Variants in NUDT1 observed in about 807,000 individuals in gnomAD.
NUDT1 encodes the protein nudix hydrolase 1.
NUDT1 carries 16 observed loss-of-function variants against 11.3 expected under a neutral mutation model. That is an observed-to-expected ratio of 1.41 (90% CI 0.96 to 2.15). The LOEUF is 2.15. Among genes scored for constraint, NUDT1 ranks in the 30% most tolerant of loss-of-function variants. The pLI is 0.00. For missense variants in NUDT1, 234 were observed against 208.4 expected, an observed-to-expected ratio of 1.12 and a Z score of -0.76; for synonymous variants, 101 against 84.4, an observed-to-expected ratio of 1.20 and a Z score of -1.08.
intron 2 of NUDT1, among the ~76,000 whole-genome samples, chr7:2,246,996 A>G (rs1794792194): frequency 6.6e-6 from 1 of 150,504 alleles, no homozygotes; most frequent in African/African-American, 2.4e-5. Flanking sequence ...GGGACACTGG[A>G]GCCAGACAGG....
chr7:2,250,083 C>A, intron 3 of NUDT1, 81 bp downstream of exon 3: 1 of 1,572,284 alleles, frequency 6.4e-7, no homozygotes. Context: ...CCGCCCAAAC[C>A]ATCTCTGAGT....
At chr7:2,248,481 TG>T in intron 2 of NUDT1, among the ~76,000 whole-genome samples, 1 of 150,882 alleles carries the variant, frequency 6.6e-6, no homozygotes, top group Non-Finnish European at 1.5e-5. Flanking sequence ...CCTTGAGGTG[TG>T]GAATGTCATG....
chr7:2,249,609 C>T, intron 2 of NUDT1: 2 of 554,946 alleles, frequency 3.6e-6, no homozygotes, highest in Admixed American at 2.9e-5. Flanking sequence ...CCAGAGGCTC[C>T]ACACCATCTC....
intron 2 of NUDT1, among the ~76,000 whole-genome samples, chr7:2,246,146 CCTTTGT>C (rs755032354): frequency 6.6e-5 from 10 of 152,172 alleles, no homozygotes; most frequent in Non-Finnish European, 7.4e-5. Flanking sequence ...TCTGCCCAGC[CCTTTGT>C]CTTTGATCTG....
intron 3 of NUDT1, 127 bp downstream of exon 3, chr7:2,250,129 C>G: frequency 1.6e-6 from 2 of 1,256,518 alleles, no homozygotes; most frequent in Non-Finnish European, 2.2e-6. Context: ...CCCTCCACCC[C>G]ACAGTGCCAG....
intron 1 of NUDT1, among the ~76,000 whole-genome samples, chr7:2,244,253 C>T (rs747874852): frequency 2.0e-5 from 3 of 152,102 alleles, no homozygotes; most frequent in Non-Finnish European, 2.9e-5. Flanking sequence ...AGCAAGAGCA[C>T]GCTCTGGAAA....
chr7:2,248,779 G>A lies in NUDT1; in HGVS notation c.153-1078G>A, dbSNP rs564846408. On this transcript the variant is annotated intron_variant, in intron 2 of 3. Transcript: ENST00000356714. ...ATTGCCCAAGCTGGTCTCAAACTCC[G>A]GAGCTCAAGCAATCAATCCTCCCAC... Among the ~76,000 whole-genome samples, 52 of 152,140 alleles carry A rather than the reference G, an allele frequency of 3.4e-4. No individual in the cohort carries two copies. In the Middle Eastern group the frequency reaches 0.014, roughly 40 times the overall value.
intron 1 of NUDT1, 103 bp from the exon 2 acceptor site, chr7:2,244,460 G>GCC: frequency 2.6e-6 from 1 of 382,254 alleles, no homozygotes; most frequent in Non-Finnish European, 4.8e-6. Flanking sequence ...ATACCCCCCC[G>GCC]CCCCCCACTG....
chr7:2,247,718 T>C (rs974170886), intron 2 of NUDT1, among the ~76,000 whole-genome samples: 1 of 152,228 alleles, frequency 6.6e-6, no homozygotes, highest in African/African-American at 2.4e-5. Context: ...TGCCTGGCGC[T>C]CCCTGCCTGG....
intron 3 of NUDT1, among the ~76,000 whole-genome samples, chr7:2,250,521 A>G (rs1028023151): frequency 2.7e-4 from 41 of 152,156 alleles, no homozygotes; most frequent in African/African-American, 8.4e-4. Context: ...GCAATGGCGC[A>G]ATCTCGGCTC....
chr7:2,250,694 G>A (rs1794976330), intron 3 of NUDT1, 135 bp from the exon 4 acceptor site: 19 of 628,922 alleles, frequency 3.0e-5, no homozygotes, highest in South Asian at 9.6e-5. Flanking sequence ...TCCTGACCTC[G>A]TGATCCTCCC....
intron 2 of NUDT1, among the ~76,000 whole-genome samples, chr7:2,248,405 C>T (rs1200356442): frequency 6.6e-6 from 1 of 152,142 alleles, no homozygotes; most frequent in African/African-American, 2.4e-5. Context: ...CGGGTTTCCA[C>T]CATAACCCGA....
chr7:2,242,784 G>A, intron 1 of NUDT1: 5 of 601,286 alleles, frequency 8.3e-6, no homozygotes, highest in South Asian at 5.8e-5. Context: ...GTGTCTAGGG[G>A]TGAATGTTTG....
intron 2 of NUDT1, 125 bp from the exon 3 acceptor site, chr7:2,249,732 G>A (rs953012157): frequency 3.2e-5 from 38 of 1,181,772 alleles, no homozygotes; most frequent in African/African-American, 4.5e-5. Flanking sequence ...CATCCTCCTG[G>A]GTCTCCCATC....
rs182662727 is a variant in NUDT1 at position 2,250,933 on chromosome 7, G to T, written c.403G>T (p.Gly135Trp). The T allele has an allele frequency of 1.1e-4, 171 of 1,613,942 alleles. No homozygotes were observed. The highest frequency in any genetic ancestry group is 9.5e-4 in the Admixed American group (57 of 59,990). Residue 135 changes from glycine (G) to tryptophan (W), a missense_variant, in exon 4 of 4, where the codon GGG becomes TGG. Transcript: ENST00000356714. Reference sequence around the variant, plus strand: ...CCTGCTTCAGAAGAAGAAATTCCACGGGTACTTCAAGTTCCAGGGTCAGGA... The same window carrying T: ...CCTGCTTCAGAAGAAGAAATTCCACTGGTACTTCAAGTTCCAGGGTCAGGA... ...PLLLQKKKFH[G>W]YFKFQGQDTI...
chr7:2,250,615 G>A (rs1036886671), intron 3 of NUDT1, among the ~76,000 whole-genome samples: 6 of 147,824 alleles, frequency 4.1e-5, no homozygotes, highest in African/African-American at 7.3e-5. Context: ...CCGCCACCAC[G>A]CCCGGCTAAT....
At chr7:2,249,699 A>T in intron 2 of NUDT1, 158 bp from the exon 3 acceptor site, 1 of 838,384 alleles carries the variant, frequency 1.2e-6, no homozygotes. Flanking sequence ...CCAGGTCGGG[A>T]CCAGATAATG....
At chr7:2,246,868 C>T (rs1794787213) in intron 2 of NUDT1, among the ~76,000 whole-genome samples, 1 of 152,170 alleles carries the variant, frequency 6.6e-6, no homozygotes. Context: ...CCACCCGCCT[C>T]GGCTTCCCAA....
intron 2 of NUDT1, chr7:2,248,306 G>C (rs1026137844): frequency 6.6e-6 from 1 of 152,236 alleles, no homozygotes; most frequent in Non-Finnish European, 1.5e-5. Flanking sequence ...GTGTTCAGAA[G>C]TGTCTGCTGA....
Sources: gnomAD v4.1 joint callset for allele counts (sites outside exome capture counted in the v4.1 genomes callset) on GRCh38, gnomAD v4.1.1 for gene constraint, MANE v1.5 for transcripts, NCBI Gene and HGNC (gene_info 2026-07-23, HGNC 2026-07-21) for gene names.